FRRS1: variants seen among roughly 807,000 people sequenced by gnomAD.
FRRS1 encodes ferric reductase 1.
In FRRS1, 51 loss-of-function variants were observed where a neutral mutation model predicts 70.7. That is an observed-to-expected ratio of 0.72 (90% CI 0.58 to 0.91). The LOEUF (loss-of-function observed/expected upper bound fraction) is 0.91, where lower values mean the gene tolerates loss of function less well. FRRS1 is among the 40% of genes least tolerant of loss of function. FRRS1 has a pLI of 0.00. For missense variants in FRRS1, 672 were observed against 726.0 expected (o/e 0.93, Z 0.86); for synonymous variants, 225 against 238.7 (o/e 0.94, Z 0.53).
intron 9 of FRRS1, 107 bp downstream of exon 9, chr1:99,728,386 G>C: frequency 1.1e-6 from 1 of 934,304 alleles, no homozygotes; most frequent in Non-Finnish European, 1.6e-6. Flanking sequence ...ATAGGAAAGC[G>C]TGTGCCTTAA....
chr1:99,728,730 T>G lies in FRRS1; in HGVS notation c.859-90A>C, dbSNP rs185708675. 33 of 1,113,816 alleles carry G rather than the reference T, an allele frequency of 3.0e-5. No individual in the cohort carries two copies. The African/African-American group carries it at 4.1e-4, about 14-fold the overall frequency. The allele number at this position is 1,113,816 out of a possible 1,614,324, so 69.0% of individuals were successfully genotyped here. ...CAAAATCCTGCCCTGTTCAGTTTCC[T>G]TTCTCTAAGATCGTATGTCCATGCT... On this transcript the variant is annotated intron_variant, in intron 8 of 16. Coordinates refer to ENST00000646001, the MANE Select transcript of FRRS1 (RefSeq NM_001361041.2).
At chr1:99,764,529 T>C (rs1215210662) in intron 1 of FRRS1, among the ~76,000 whole-genome samples, 1 of 152,214 alleles carries the variant, frequency 6.6e-6, no homozygotes, top group Non-Finnish European at 1.5e-5. Context: ...TTTACTATTT[T>C]TGTTTGTTTT....
intron 8 of FRRS1, among the ~76,000 whole-genome samples, chr1:99,729,448 T>A (rs1324398234): frequency 6.6e-6 from 1 of 152,274 alleles, no homozygotes; most frequent in Non-Finnish European, 1.5e-5. Context: ...CAAGAATTCA[T>A]CTTTTCCTAC....
At position 99,728,660 on chromosome 1, in the gene FRRS1, G is replaced by T; in HGVS notation, c.859-20C>A. Reference sequence around the variant, plus strand: ...GGTATCCTACAAACACACACAATGGGTCTTCTCAGCACTTTCCAAAGATTT... The same window carrying T: ...GGTATCCTACAAACACACACAATGGTTCTTCTCAGCACTTTCCAAAGATTT... On this transcript the variant is annotated intron_variant, in intron 8 of 16. Transcript: ENST00000646001. 6.2e-7 allele frequency: 1 copy of T among 1,608,594 alleles called. No individual in the cohort carries two copies.
intron 9 of FRRS1, among the ~76,000 whole-genome samples, chr1:99,725,995 A>C (rs973002311): frequency 1.3e-5 from 2 of 152,180 alleles, no homozygotes; most frequent in African/African-American, 4.8e-5. Flanking sequence ...CATGTTGGGC[A>C]CTGATATAGT....
intron 1 of FRRS1, among the ~76,000 whole-genome samples, chr1:99,763,347 A>T (rs1020822264): frequency 7.9e-5 from 12 of 152,282 alleles, no homozygotes; most frequent in East Asian, 1.9e-4. Context: ...CTGAAAAATA[A>T]GATACAATAA....
chr1:99,745,985 G>A (rs1361037325), intron 4 of FRRS1, among the ~76,000 whole-genome samples: 1 of 117,218 alleles, frequency 8.5e-6, no homozygotes, highest in Non-Finnish European at 1.6e-5. Context: ...GCCTCCCTAA[G>A]GCCTCCCCAG....
intron 4 of FRRS1, among the ~76,000 whole-genome samples, chr1:99,745,542 T>C (rs563948677): frequency 2.0e-5 from 3 of 151,896 alleles, no homozygotes; most frequent in African/African-American, 7.2e-5. Context: ...AAATTAGCCA[T>C]GCATGGTGGT....
intron 7 of FRRS1, among the ~76,000 whole-genome samples, chr1:99,731,558 CTTGTT>C (rs1655388148): frequency 6.6e-6 from 1 of 152,148 alleles, no homozygotes; most frequent in African/African-American, 2.4e-5. Context: ...CAACCTAAAG[CTTGTT>C]TCTATATAGC....
chr1:99,735,916 G>T (rs1279270024), intron 7 of FRRS1, among the ~76,000 whole-genome samples: 1 of 152,134 alleles, frequency 6.6e-6, no homozygotes, highest in African/African-American at 2.4e-5. Context: ...ATGAATCTTG[G>T]CTATAAAGTG....
chr1:99,765,255 C>G (rs1424005785), intron 1 of FRRS1: 1 of 152,146 alleles, frequency 6.6e-6, no homozygotes, highest in African/African-American at 2.4e-5. Context: ...CAAATTAAGC[C>G]CCCAACTTCA....
intron 12 of FRRS1, among the ~76,000 whole-genome samples, chr1:99,714,252 C>T (rs924797402): frequency 2.0e-5 from 3 of 150,656 alleles, no homozygotes; most frequent in Non-Finnish European, 4.4e-5. Context: ...GGTGCGATCT[C>T]AGCTCACTGC....
chr1:99,733,602 T>C, intron 7 of FRRS1, among the ~76,000 whole-genome samples: 1 of 152,108 alleles, frequency 6.6e-6, no homozygotes, highest in Admixed American at 6.5e-5. Flanking sequence ...TGTGAAAGAA[T>C]GAATGGTGGT....
chr1:99,732,602 T>C (rs187292471), intron 7 of FRRS1, among the ~76,000 whole-genome samples: 13 of 152,198 alleles, frequency 8.5e-5, no homozygotes, highest in African/African-American at 2.9e-4. Context: ...AAGGAAAGAT[T>C]TTCCAAGTTG....
At chr1:99,717,308 G>T (rs1654577194) in intron 11 of FRRS1, 102 bp downstream of exon 11, 2 of 789,760 alleles carry the variant, frequency 2.5e-6, no homozygotes, top group South Asian at 3.0e-5. Flanking sequence ...ACCTACAACT[G>T]CAACCACAAA....
intron 6 of FRRS1, among the ~76,000 whole-genome samples, chr1:99,740,094 G>T (rs1195567379): frequency 6.6e-6 from 1 of 151,940 alleles, no homozygotes. Context: ...CAATTCCCTA[G>T]GACTCTCTGA....
intron 1 of FRRS1, among the ~76,000 whole-genome samples, chr1:99,752,606 A>G (rs866291999): frequency 1.3e-5 from 2 of 152,206 alleles, no homozygotes; most frequent in Non-Finnish European, 2.9e-5. Context: ...ATAATGAAAA[A>G]GTTTAGAAAC....
chr1:99,746,136 C>T (rs1656252444), intron 4 of FRRS1, among the ~76,000 whole-genome samples: 1 of 152,058 alleles, frequency 6.6e-6, no homozygotes, highest in Non-Finnish European at 1.5e-5. Flanking sequence ...TAGACAATGC[C>T]CCTGCTACCC....
At position 99,706,239 on chromosome 1, in the gene FRRS1, A is replaced by AAAT. The variant is rs1553169215; in HGVS notation, c.*2788_*2789insATT. The stretch of plus-strand genomic sequence containing the variant: ...CCTTCTCTACCAAAAAAAAAAAAAA[A>AAAT]TTTTTTTTTAATTAGCTGGCTGTGG... On this transcript the variant is annotated 3_prime_UTR_variant, in exon 17 of 17. Transcript: ENST00000646001. Among the ~76,000 whole-genome samples the AAAT allele has an allele frequency of 6.7e-6, 1 of 150,316 alleles. No homozygotes were observed. The highest frequency in any genetic ancestry group is 1.5e-5 in the Non-Finnish European group (1 of 67,546).
Sources: gnomAD v4.1 joint callset for allele counts (sites outside exome capture counted in the v4.1 genomes callset) on GRCh38, gnomAD v4.1.1 for gene constraint, MANE v1.5 for transcripts, NCBI Gene and HGNC (gene_info 2026-07-23, HGNC 2026-07-21) for gene names.